PRKACB: variants seen among roughly 807,000 people sequenced by gnomAD.
The protein encoded by PRKACB is protein kinase cAMP-activated catalytic subunit beta.
PRKACB carries 16 observed loss-of-function variants against 51.4 expected under a neutral mutation model. The observed-to-expected ratio is 0.31, with a 90% CI of 0.21 to 0.47. PRKACB has a LOEUF of 0.47. Ranked by LOEUF, PRKACB falls within the 20% of genes least tolerant of loss-of-function variation. The pLI is 1.00. For synonymous variants in PRKACB, 147 were observed against 154.4 expected (o/e 0.95, Z 0.35); for missense variants, 309 against 464.5 (o/e 0.67, Z 3.08).
intron 1 of PRKACB, chr1:84,164,870 T>C: frequency 7.2e-7 from 1 of 1,384,552 alleles, no homozygotes; most frequent in Non-Finnish European, 9.4e-7. Context: ...AGAAAGCTCT[T>C]TTCGTTTTCT....
intron 5 of PRKACB, among the ~76,000 whole-genome samples, chr1:84,186,154 C>G (rs1406339339): frequency 6.6e-6 from 1 of 152,048 alleles, no homozygotes; most frequent in Non-Finnish European, 1.5e-5. Flanking sequence ...TTAGAGAAAA[C>G]TGGTTTCAGG....
intron 1 of PRKACB, among the ~76,000 whole-genome samples, chr1:84,160,392 A>G (rs763940645): frequency 6.6e-6 from 1 of 151,394 alleles, no homozygotes; most frequent in Admixed American, 6.6e-5. Flanking sequence ...ATCAGTGGTG[A>G]TATCATAGTT....
At chr1:84,123,617 G>T (rs944826941) in intron 1 of PRKACB, among the ~76,000 whole-genome samples, 2 of 152,082 alleles carry the variant, frequency 1.3e-5, no homozygotes, top group African/African-American at 4.8e-5. Context: ...TTTGGAGAGG[G>T]ATAGAGAAAA....
chr1:84,176,670 A>G (rs940141620), intron 1 of PRKACB, among the ~76,000 whole-genome samples: 1 of 151,836 alleles, frequency 6.6e-6, no homozygotes, highest in Non-Finnish European at 1.5e-5. Context: ...CTTAGTGCCC[A>G]TCCTTTAATG....
rs878923578 is a variant in PRKACB at position 84,174,951 on chromosome 1, G to GA, written c.188-4220dup. Reference sequence around the variant, plus strand: ...ATTTTATTTCTGTATATAGTATTCTGAAAAAATGCGTATTGGTGACTTCAT... The same window carrying GA: ...ATTTTATTTCTGTATATAGTATTCTGAAAAAAATGCGTATTGGTGACTTCAT... On this transcript the variant is annotated intron_variant, in intron 1 of 9. Coordinates refer to ENST00000370685, the MANE Select transcript of PRKACB (RefSeq NM_182948.4). The GA allele has an allele frequency of 5.0e-5, 65 of 1,297,800 alleles. 1 individual carries two copies. The South Asian group carries it at 8.0e-4, about 16-fold the overall frequency. 80.4% of individuals were successfully genotyped at this position (1,297,800 alleles called of 1,614,324 possible).
Position 84,236,335 on chromosome 1 carries a change from A to T in PRKACB, c.*1030A>T, listed in dbSNP as rs778909729. On this transcript the variant is annotated 3_prime_UTR_variant, in exon 10 of 10. Transcript: ENST00000370685. ...TGATTTTTGGAAACAATATAGAGGT[A>T]TTCATATTTAAATGAGGGTTTACAT... The T allele has an allele frequency of 6.6e-6, 1 of 152,592 alleles. No individual in the cohort carries two copies. Among genetic ancestry groups the T allele is most frequent in the Non-Finnish European group, 1.5e-5 (1 of 68,028 alleles). 9.5% of individuals were successfully genotyped at this position (152,592 alleles called of 1,614,324 possible).
rs567559080 is a variant in PRKACB, at chr1:84,238,194, T to C, written c.*2889T>C. ...CTTATGGGTATTGCTGTCTCATTCT[T>C]GGTATATTCTTGTGTTAACTGCCCA... On this transcript the variant is annotated 3_prime_UTR_variant, in exon 10 of 10. Coordinates refer to ENST00000370685, the MANE Select transcript of PRKACB (RefSeq NM_182948.4). 6.6e-6 allele frequency: 1 copy of C among 152,654 alleles called. No individual in the cohort carries two copies. Among genetic ancestry groups the C allele is most frequent in the East Asian group, 1.9e-4 (1 of 5,174 alleles). 9.5% of individuals were successfully genotyped at this position (152,654 alleles called of 1,614,324 possible).
At chr1:84,185,871 T>TA (rs1664938155) in intron 5 of PRKACB, among the ~76,000 whole-genome samples, 1 of 152,114 alleles carries the variant, frequency 6.6e-6, no homozygotes, top group Non-Finnish European at 1.5e-5. Context: ...GAAGTCAAAA[T>TA]AAAAATGTAG....
At chr1:84,156,748 T>A (rs1441763712) in intron 1 of PRKACB, among the ~76,000 whole-genome samples, 1 of 152,188 alleles carries the variant, frequency 6.6e-6, no homozygotes, top group Admixed American at 6.5e-5. Flanking sequence ...TGATTTTAAA[T>A]CAAGAGATTC....
At chr1:84,200,379 A>T (rs796433345) in intron 7 of PRKACB, among the ~76,000 whole-genome samples, 3 of 152,262 alleles carry the variant, frequency 2.0e-5, no homozygotes, top group African/African-American at 7.2e-5. Flanking sequence ...GATGCTGGAT[A>T]TTAGACCTTT....
In PRKACB at chr1:84,226,484, A is replaced by G. The variant is rs192826205; in HGVS notation, c.1072-8696A>G. Among the ~76,000 whole-genome samples, 3 of 152,168 alleles carry G rather than the reference A, an allele frequency of 2.0e-5. No individual in the cohort carries two copies. In the East Asian group the frequency reaches 5.8e-4, roughly 29 times the overall value. ...TTTATGTCTTAAAATTATTGCTTAA[A>G]TTTATATTTTGGTTGCTATTATTAA... On this transcript the variant is annotated intron_variant, in intron 9 of 9. Transcript: ENST00000370685.
chr1:84,132,401 C>T (rs1652324203), intron 1 of PRKACB, among the ~76,000 whole-genome samples: 1 of 152,096 alleles, frequency 6.6e-6, no homozygotes, highest in Non-Finnish European at 1.5e-5. Flanking sequence ...CAGCTTACCT[C>T]CTGGCCAGAT....
chr1:84,144,632 CT>C lies in PRKACB; in HGVS notation c.187+88del, dbSNP rs1487540608. The C allele has an allele frequency of 2.2e-6, 3 of 1,358,586 alleles. No homozygotes were observed. The African/African-American group carries it at 4.6e-5, about 21-fold the overall frequency. The allele number at this position is 1,358,586 out of a possible 1,614,324, so 84.2% of individuals were successfully genotyped here. Reference sequence around the variant, plus strand: ...TTTACAATCAAACATAAAGAACCCTCTTTTGTTTGTTGTTTTCTGATTTTCA... The same window carrying C: ...TTTACAATCAAACATAAAGAACCCTCTTTGTTTGTTGTTTTCTGATTTTCA... On this transcript the variant is annotated intron_variant, in intron 1 of 9. Transcript: ENST00000370685.
chr1:84,111,868 A>G (rs965405444), intron 1 of PRKACB, among the ~76,000 whole-genome samples: 1 of 152,136 alleles, frequency 6.6e-6, no homozygotes, highest in African/African-American at 2.4e-5. Flanking sequence ...TACTGACCCC[A>G]GAGAATGGTG....
At chr1:84,112,880 T>C (rs1422870399) in intron 1 of PRKACB, among the ~76,000 whole-genome samples, 1 of 152,122 alleles carries the variant, frequency 6.6e-6, no homozygotes, top group Non-Finnish European at 1.5e-5. Context: ...CAGAGGAATG[T>C]TTTTACATGG....
chr1:84,080,800 T>A (rs756089339), intron 1 of PRKACB, among the ~76,000 whole-genome samples: 1 of 150,904 alleles, frequency 6.6e-6, no homozygotes, highest in Non-Finnish European at 1.5e-5. Context: ...CCGAAGAAGC[T>A]GGAGTTGAGA....
intron 8 of PRKACB, among the ~76,000 whole-genome samples, chr1:84,209,627 A>T (rs1486730967): frequency 6.6e-6 from 1 of 152,190 alleles, no homozygotes; most frequent in African/African-American, 2.4e-5. Flanking sequence ...AAAACCTTGC[A>T]AGGATTCCCC....
chr1:84,125,971 C>T (rs1449518479), intron 1 of PRKACB, among the ~76,000 whole-genome samples: 1 of 151,942 alleles, frequency 6.6e-6, no homozygotes, highest in Non-Finnish European at 1.5e-5. Context: ...AGCTCTCATC[C>T]CCTCACGGGA....
In PRKACB at chr1:84,080,480, T is replaced by G. The variant is rs552414694; in HGVS notation, c.46+2109T>G. Among the ~76,000 whole-genome samples, 3 of 152,276 alleles carry G rather than the reference T, an allele frequency of 2.0e-5. No individual in the cohort carries two copies. The East Asian group carries it at 5.8e-4, about 29-fold the overall frequency. ...GAAACTGAAGGTCATTATAGTAGTT[T>G]AAAAAGCTGTTGTGAAGTGACCAAA... is the stretch of plus-strand genomic sequence containing the variant. On this transcript the variant is annotated intron_variant, in intron 1 of 8. Transcript: ENST00000370688.
Sources: gnomAD v4.1 joint callset for allele counts (sites outside exome capture counted in the v4.1 genomes callset) on GRCh38, gnomAD v4.1.1 for gene constraint, MANE v1.5 for transcripts, NCBI Gene and HGNC (gene_info 2026-07-23, HGNC 2026-07-21) for gene names.